Variants in KCTD8 observed in about 807,000 individuals in gnomAD.
The protein encoded by KCTD8 is BTB/POZ domain-containing protein KCTD8.
A neutral mutation model predicts 31.5 loss-of-function variants in KCTD8; 27 were observed. The ratio of observed to expected loss-of-function variants is 0.86; its 90% CI spans 0.63 to 1.18. KCTD8 has a LOEUF of 1.18. Ranked by LOEUF, KCTD8 falls within the 50% of genes most tolerant of loss-of-function variation. The pLI, the probability that KCTD8 is intolerant of heterozygous loss-of-function variation, is 0.00. For synonymous variants in KCTD8, 290 were observed against 280.0 expected (o/e 1.04, Z -0.36); for missense variants, 658 against 647.7 (o/e 1.02, Z -0.17).
At chr4:44,434,395 C>G (rs576919867) in intron 1 of KCTD8, among the ~76,000 whole-genome samples, 1 of 151,944 alleles carries the variant, frequency 6.6e-6, no homozygotes, top group South Asian at 2.1e-4. Flanking sequence ...TACTATTATT[C>G]TGATAATTTT....
At chr4:44,359,745 C>A (rs958121473) in intron 1 of KCTD8, among the ~76,000 whole-genome samples, 1 of 151,970 alleles carries the variant, frequency 6.6e-6, no homozygotes, top group African/African-American at 2.4e-5. Context: ...ACTTCTAGTA[C>A]CACAGACCAT....
At chr4:44,272,069 T>C (rs896292511) in intron 1 of KCTD8, among the ~76,000 whole-genome samples, 4 of 151,214 alleles carry the variant, frequency 2.6e-5, no homozygotes, top group Non-Finnish European at 5.9e-5. Flanking sequence ...AAGACATACA[T>C]TGAGTGTCAA....
At chr4:44,212,726 T>G (rs1384298276) in intron 1 of KCTD8, among the ~76,000 whole-genome samples, 1 of 152,214 alleles carries the variant, frequency 6.6e-6, no homozygotes, top group Admixed American at 6.5e-5. Context: ...TTTCCTTATG[T>G]TTTAGATATG....
At chr4:44,249,819 C>G (rs1715774378) in intron 1 of KCTD8, among the ~76,000 whole-genome samples, 1 of 150,870 alleles carries the variant, frequency 6.6e-6, no homozygotes, top group Non-Finnish European at 1.5e-5. Context: ...CCCTTCTTTT[C>G]TTTCTCTACT....
chr4:44,197,454 C>T (rs1246731640), intron 1 of KCTD8, among the ~76,000 whole-genome samples: 3 of 152,220 alleles, frequency 2.0e-5, no homozygotes, highest in South Asian at 2.1e-4. Context: ...CCCCAACCAC[C>T]GAGTATGTCT....
chr4:44,286,735 T>G (rs1717090028), intron 1 of KCTD8, among the ~76,000 whole-genome samples: 4 of 152,144 alleles, frequency 2.6e-5, no homozygotes, highest in Admixed American at 1.3e-4. Flanking sequence ...ATCTTCTCTG[T>G]GTTTTAAGAA....
intron 1 of KCTD8, among the ~76,000 whole-genome samples, chr4:44,289,335 A>G (rs1023993777): frequency 2.0e-5 from 3 of 152,106 alleles, no homozygotes; most frequent in Admixed American, 1.3e-4. Context: ...AAATTTAAAT[A>G]CAAAGACAAA....
chr4:44,302,472 T>C (rs965895740), intron 1 of KCTD8, among the ~76,000 whole-genome samples: 1 of 152,166 alleles, frequency 6.6e-6, no homozygotes, highest in African/African-American at 2.4e-5. Flanking sequence ...TTTATTCTCT[T>C]TGAAGCCATT....
At chr4:44,398,320 C>T (rs1257024301) in intron 1 of KCTD8, among the ~76,000 whole-genome samples, 1 of 152,206 alleles carries the variant, frequency 6.6e-6, no homozygotes, top group Non-Finnish European at 1.5e-5. Flanking sequence ...CATGTGTCCT[C>T]TTTAACCCTT....
chr4:44,410,253 G>A (rs909743261), intron 1 of KCTD8, among the ~76,000 whole-genome samples: 2 of 152,110 alleles, frequency 1.3e-5, no homozygotes, highest in Admixed American at 6.6e-5. Flanking sequence ...TGGCCCGCTT[G>A]TTTGATGGAT....
At chr4:44,397,774 T>G (rs991412323) in intron 1 of KCTD8, among the ~76,000 whole-genome samples, 2 of 152,176 alleles carry the variant, frequency 1.3e-5, no homozygotes, top group African/African-American at 4.8e-5. Flanking sequence ...GCTAATGTGT[T>G]GAAACTAAAA....
At chr4:44,303,361 G>A (rs1371788481) in intron 1 of KCTD8, among the ~76,000 whole-genome samples, 1 of 151,800 alleles carries the variant, frequency 6.6e-6, no homozygotes, top group Non-Finnish European at 1.5e-5. Flanking sequence ...GACTCTTTTT[G>A]GTTGGTAAGC....
chr4:44,398,172 C>T (rs192142614), intron 1 of KCTD8, among the ~76,000 whole-genome samples: 126 of 152,220 alleles, frequency 8.3e-4, no homozygotes, highest in African/African-American at 2.9e-3. Context: ...AGCTCAAGGC[C>T]TTTAAAGAGT....
intron 1 of KCTD8, among the ~76,000 whole-genome samples, chr4:44,404,450 G>A (rs1044595242): frequency 2.8e-4 from 43 of 152,100 alleles, no homozygotes; most frequent in African/African-American, 1.0e-3. Flanking sequence ...CCATGATCCT[G>A]ACTTGCCAAG....
At chr4:44,226,800 A>G (rs1405906401) in intron 1 of KCTD8, among the ~76,000 whole-genome samples, 3 of 151,888 alleles carry the variant, frequency 2.0e-5, no homozygotes, top group Non-Finnish European at 4.4e-5. Flanking sequence ...TGTGATGATG[A>G]GCTTTTTTCG....
intron 1 of KCTD8, among the ~76,000 whole-genome samples, chr4:44,309,693 G>C (rs1717897950): frequency 6.6e-6 from 1 of 152,064 alleles, no homozygotes; most frequent in Admixed American, 6.6e-5. Context: ...ACATTAGAGA[G>C]AGAGCACTCA....
intron 1 of KCTD8, among the ~76,000 whole-genome samples, chr4:44,219,687 G>A (rs1714751134): frequency 6.6e-6 from 1 of 152,222 alleles, no homozygotes; most frequent in South Asian, 2.1e-4. Flanking sequence ...GAGAATAAAT[G>A]TCTGTTGTTT....
chr4:44,410,411 A>C (rs1720926675), intron 1 of KCTD8, among the ~76,000 whole-genome samples: 1 of 152,192 alleles, frequency 6.6e-6, no homozygotes, highest in Admixed American at 6.5e-5. Context: ...CAATAGTCTC[A>C]ATCACTTTGA....
chr4:44,220,050 A>T (rs1714763771), intron 1 of KCTD8, among the ~76,000 whole-genome samples: 1 of 152,206 alleles, frequency 6.6e-6, no homozygotes, highest in Non-Finnish European at 1.5e-5. Flanking sequence ...TAAAGCAGGA[A>T]AGGTTAAATG....
Sources: allele counts gnomAD v4.1 joint callset (sites outside exome capture counted in the v4.1 genomes callset), GRCh38; gene constraint gnomAD v4.1.1; transcripts MANE v1.5; gene names NCBI Gene and HGNC (gene_info 2026-07-23, HGNC 2026-07-21).